The following AP3S2 variants were observed in gnomAD, a reference collection of about 807,000 sequenced individuals.
The protein encoded by AP3S2 is adaptor related protein complex 3 subunit sigma 2.
In AP3S2, 22 loss-of-function variants were observed where a neutral mutation model predicts 23.4. That is an observed-to-expected ratio of 0.94 (90% CI 0.67 to 1.34). The LOEUF is 1.34. Among genes scored for constraint, AP3S2 ranks in the 40% most tolerant of loss-of-function variants. The pLI, the probability that AP3S2 is intolerant of heterozygous loss-of-function variation, is 0.00. For missense variants in AP3S2, 241 were observed against 236.9 expected (o/e 1.02, Z -0.11); for synonymous variants, 86 against 87.1 (o/e 0.99, Z 0.07).
At chr15:89,876,679 A>C (rs1485431534) in intron 3 of AP3S2, 1 of 153,366 alleles carries the variant, frequency 6.5e-6, no homozygotes, top group Non-Finnish European at 1.5e-5. Flanking sequence ...CAAAGGATGC[A>C]TAAGAAGCTT....
intron 4 of AP3S2, among the ~76,000 whole-genome samples, chr15:89,869,154 A>G (rs1028731624): frequency 2.6e-5 from 4 of 152,020 alleles, no homozygotes; most frequent in Non-Finnish European, 5.9e-5. Context: ...GAAAAGATTG[A>G]GAAATCGGAT....
chr15:89,844,886 C>T (rs2141842944), intron 4 of AP3S2, among the ~76,000 whole-genome samples: 1 of 152,156 alleles, frequency 6.6e-6, no homozygotes, highest in East Asian at 1.9e-4. Context: ...AAGCATTCCT[C>T]TTACTTTTCA....
At chr15:89,877,467 AT>A (rs1280936010) in intron 3 of AP3S2, 2 of 1,097,812 alleles carry the variant, frequency 1.8e-6, no homozygotes, top group Non-Finnish European at 2.5e-6. Flanking sequence ...CATCATAGCC[AT>A]TTTTTAAGTG....
At chr15:89,889,255 A>G in intron 1 of AP3S2, 115 bp from the exon 2 acceptor site, 1 of 1,070,622 alleles carries the variant, frequency 9.3e-7, no homozygotes, top group Non-Finnish European at 1.4e-6. Context: ...AACATTTAGT[A>G]CTTGTTTCTA....
At chr15:89,877,983 G>C (rs1158279794) in intron 3 of AP3S2, among the ~76,000 whole-genome samples, 1 of 152,094 alleles carries the variant, frequency 6.6e-6, no homozygotes, top group African/African-American at 2.4e-5. Context: ...ATATTTTTTG[G>C]TTCGTGAATT....
At chr15:89,891,102 GA>G (rs1896810385) in intron 1 of AP3S2, among the ~76,000 whole-genome samples, 1 of 152,168 alleles carries the variant, frequency 6.6e-6, no homozygotes, top group Admixed American at 6.5e-5. Context: ...GACTCTGGGG[GA>G]AGTGGCAGCA....
chr15:89,845,772 T>G (rs1214141877), intron 4 of AP3S2: 4 of 152,210 alleles, frequency 2.6e-5, no homozygotes, highest in Non-Finnish European at 5.9e-5. Flanking sequence ...AGAAAGAGGC[T>G]AAGTCTTCGA....
intron 5 of AP3S2, among the ~76,000 whole-genome samples, chr15:89,836,010 A>G (rs1245013896): frequency 6.7e-6 from 1 of 148,268 alleles, no homozygotes; most frequent in African/African-American, 2.5e-5. Context: ...CCTGGGCAAC[A>G]GAGTGAGACT....
chr15:89,836,979 A>G (rs904598584), intron 5 of AP3S2, among the ~76,000 whole-genome samples: 4 of 152,210 alleles, frequency 2.6e-5, no homozygotes, highest in Non-Finnish European at 5.9e-5. Flanking sequence ...ATGTGAAAGT[A>G]TACGTCTGTA....
intron 1 of AP3S2, chr15:89,893,244 G>C (rs1216968977): frequency 6.5e-6 from 1 of 153,116 alleles, no homozygotes; most frequent in South Asian, 2.1e-4. Context: ...TTCGAAGACA[G>C]GAAGCAAATA....
chr15:89,843,927 A>G (rs1028489590), intron 4 of AP3S2, among the ~76,000 whole-genome samples: 1 of 152,268 alleles, frequency 6.6e-6, no homozygotes, highest in Non-Finnish European at 1.5e-5. Flanking sequence ...CAGATCGTCA[A>G]TACTATATGC....
chr15:89,873,285 T>TC (rs1491336247), intron 3 of AP3S2, among the ~76,000 whole-genome samples: 1 of 132,988 alleles, frequency 7.5e-6, no homozygotes, highest in African/African-American at 2.5e-5. Flanking sequence ...CTGTCTGTCT[T>TC]CTTTTTTTTT....
At chr15:89,852,810 T>G (rs1212703934) in intron 4 of AP3S2, among the ~76,000 whole-genome samples, 1 of 152,208 alleles carries the variant, frequency 6.6e-6, no homozygotes, top group Admixed American at 6.5e-5. Context: ...TGTGCCCCAG[T>G]CCACCTGCTC....
chr15:89,883,219 A>G (rs1014254149), intron 3 of AP3S2, among the ~76,000 whole-genome samples: 4 of 151,988 alleles, frequency 2.6e-5, no homozygotes, highest in Admixed American at 1.3e-4. Context: ...ATATTCTGTC[A>G]TTTTGCTCAT....
chr15:89,892,727 T>C (rs1437913155), intron 1 of AP3S2, among the ~76,000 whole-genome samples: 1 of 152,206 alleles, frequency 6.6e-6, no homozygotes, highest in African/African-American at 2.4e-5. Flanking sequence ...GCAGTGGCGC[T>C]ATCTTGGCTC....
chr15:89,889,845 CAG>C (rs1391703937), intron 1 of AP3S2, among the ~76,000 whole-genome samples: 1 of 110,708 alleles, frequency 9.0e-6, no homozygotes, highest in African/African-American at 3.7e-5. Flanking sequence ...GCATGGGCGA[CAG>C]AGTGAGACTC....
chr15:89,889,888 AG>A (rs2141904327), intron 1 of AP3S2, among the ~76,000 whole-genome samples: 1 of 149,174 alleles, frequency 6.7e-6, no homozygotes, highest in African/African-American at 2.5e-5. Context: ...AAAAAAAAAA[AG>A]GTCAAGAAGT....
chr15:89,869,815 G>A (rs796134567), intron 4 of AP3S2, among the ~76,000 whole-genome samples: 10 of 151,702 alleles, frequency 6.6e-5, no homozygotes, highest in African/African-American at 1.9e-4. Flanking sequence ...GAGCAGTGGC[G>A]CGACCTCGGC....
intron 3 of AP3S2, among the ~76,000 whole-genome samples, chr15:89,883,314 T>G (rs1485003075): frequency 1.3e-5 from 2 of 152,222 alleles, no homozygotes; most frequent in Non-Finnish European, 2.9e-5. Flanking sequence ...CCTCTCTTTC[T>G]TTCTTTACTA....
Sources: allele counts gnomAD v4.1 joint callset (sites outside exome capture counted in the v4.1 genomes callset), GRCh38; gene constraint gnomAD v4.1.1; transcripts MANE v1.5; gene names NCBI Gene and HGNC (gene_info 2026-07-23, HGNC 2026-07-21).